SLC16A12: variants seen among roughly 807,000 people sequenced by gnomAD.
SLC16A12 encodes solute carrier family 16 member 12, also known as monocarboxylate transporter 12.
SLC16A12 carries 17 observed loss-of-function variants against 42.4 expected under a neutral mutation model. The observed-to-expected ratio is 0.40, with a 90% confidence interval of 0.27 to 0.60. SLC16A12 has a LOEUF of 0.60. Ranked by LOEUF, SLC16A12 falls within the 20% of genes least tolerant of loss-of-function variation. SLC16A12 has a pLI of 0.42. For synonymous variants in SLC16A12, 224 were observed against 229.4 expected, an observed-to-expected ratio of 0.98 and a Z score of 0.21; for missense variants, 544 against 623.0, an observed-to-expected ratio of 0.87 and a Z score of 1.35.
At chr10:89,457,077 G>A (rs976467787) in intron 3 of SLC16A12, among the ~76,000 whole-genome samples, 38 of 152,058 alleles carry the variant, frequency 2.5e-4, no homozygotes, top group Admixed American at 2.0e-4. Context: ...TATATACCCC[G>A]TAATGGGATT....
intron 2 of SLC16A12, among the ~76,000 whole-genome samples, chr10:89,482,296 G>A (rs1287641734): frequency 1.3e-5 from 2 of 151,358 alleles, no homozygotes; most frequent in Non-Finnish European, 2.9e-5. Flanking sequence ...TACAGACTAT[G>A]GTACAAAGTT....
At chr10:89,451,532 C>G (rs1842096419) in intron 3 of SLC16A12, among the ~76,000 whole-genome samples, 1 of 152,092 alleles carries the variant, frequency 6.6e-6, no homozygotes, top group South Asian at 2.1e-4. Flanking sequence ...CTGTCTCAGC[C>G]TCCCGAGTAG....
At chr10:89,541,395 G>GACC (rs1379751911) in intron 2 of SLC16A12, among the ~76,000 whole-genome samples, 1 of 152,118 alleles carries the variant, frequency 6.6e-6, no homozygotes, top group Non-Finnish European at 1.5e-5. Context: ...AGGAGTTCTA[G>GACC]ACCAGCCTAG....
intron 3 of SLC16A12, among the ~76,000 whole-genome samples, chr10:89,459,198 A>G (rs1006991689): frequency 9.9e-5 from 15 of 152,146 alleles, no homozygotes; most frequent in Admixed American, 2.6e-4. Context: ...TGTAAGAGTA[A>G]TTTGGAGACA....
intron 2 of SLC16A12, among the ~76,000 whole-genome samples, chr10:89,463,703 G>A (rs1223224712): frequency 2.0e-5 from 3 of 152,228 alleles, no homozygotes; most frequent in African/African-American, 7.2e-5. Context: ...CCACAGGCTT[G>A]GGGAAAAAAA....
intron 2 of SLC16A12, among the ~76,000 whole-genome samples, chr10:89,498,661 T>C (rs1842955837): frequency 6.6e-6 from 1 of 152,186 alleles, no homozygotes; most frequent in Admixed American, 6.5e-5. Flanking sequence ...TGTTCCAGAA[T>C]GACTGCAGGA....
chr10:89,462,228 A>T (rs1217673660), intron 3 of SLC16A12, 151 bp downstream of exon 3: 1 of 1,069,742 alleles, frequency 9.3e-7, no homozygotes, highest in Admixed American at 2.5e-5. Flanking sequence ...TTGCAAAGAA[A>T]ATGATACCTG....
At chr10:89,556,460 G>A (rs1447117473) in intron 1 of SLC16A12, 1 of 152,168 alleles carries the variant, frequency 6.6e-6, no homozygotes, top group Non-Finnish European at 1.5e-5. Flanking sequence ...TTGTTACAAT[G>A]TTAGGGTGCT....
rs749454506 is a variant in SLC16A12 at position 89,432,910 on chromosome 10, T to C, written c.*154A>G. On this transcript the variant is annotated 3_prime_UTR_variant, in exon 8 of 8. Transcript: ENST00000371790. Reference sequence around the variant, plus strand: ...GTCCAGCTTTCCTTATTATGTGCTGTTTTCCCTTATAAATATTAATATGTT... The same window carrying C: ...GTCCAGCTTTCCTTATTATGTGCTGCTTTCCCTTATAAATATTAATATGTT... The C allele has an allele frequency of 3.6e-6, 4 of 1,099,256 alleles. No individual in the cohort carries two copies. Among genetic ancestry groups the C allele is most frequent in the Non-Finnish European group, 5.0e-6 (4 of 793,306 alleles). 68.1% of individuals were successfully genotyped at this position (1,099,256 alleles called of 1,614,324 possible). A position where few individuals can be genotyped will look rare whatever the true frequency, so the allele number is the denominator to read the frequency against.
At chr10:89,542,065 A>C (rs960404407) in intron 2 of SLC16A12, among the ~76,000 whole-genome samples, 10 of 152,170 alleles carry the variant, frequency 6.6e-5, no homozygotes, top group African/African-American at 2.4e-4. Flanking sequence ...GAGATGACAA[A>C]TACGAGAGTG....
In SLC16A12 at chr10:89,481,643, TTG is replaced by T. The variant is rs66954717; in HGVS notation, c.-46-19021_-46-19020del. Among the ~76,000 whole-genome samples the T allele has an allele frequency of 9.4e-3, 1,348 of 144,036 alleles. 16 individuals carry two copies. The highest frequency in any genetic ancestry group is 0.019 in the African/African-American group (738 of 39,076). The allele number at this position is 144,036 out of a possible 152,430, so 94.5% of individuals were successfully genotyped here. A position where few individuals can be genotyped will look rare whatever the true frequency, so the allele number is the denominator to read the frequency against. ...TCTAATTGACACTGTTTTTTTTTTC[TTG>T]TGTGTGTGTGTGTGTGTGTGAGAGA... On this transcript the variant is annotated intron_variant, in intron 2 of 7. Coordinates refer to ENST00000371790, the MANE Select transcript of SLC16A12 (RefSeq NM_213606.4).
At position 89,460,436 on chromosome 10, in the gene SLC16A12, A is replaced by T. The variant is rs187883844; in HGVS notation, c.200+1943T>A. On this transcript the variant is annotated intron_variant, in intron 3 of 7. Coordinates refer to ENST00000371790, the MANE Select transcript of SLC16A12 (RefSeq NM_213606.4). ...TCTTACAGAGGTCTTCTTAAGAATC[A>T]TACTTTGGCAGGGCACAGTGGCTCA... Among the ~76,000 whole-genome samples, 10 of 151,920 alleles carry T rather than the reference A, an allele frequency of 6.6e-5. No individual in the cohort carries two copies. In the East Asian group the frequency reaches 1.7e-3, roughly 26 times the overall value.
intron 2 of SLC16A12, among the ~76,000 whole-genome samples, chr10:89,481,738 T>C (rs1026392975): frequency 1.3e-5 from 2 of 151,854 alleles, no homozygotes; most frequent in African/African-American, 4.8e-5. Flanking sequence ...GCATGGTTTT[T>C]CACTATAACT....
chr10:89,533,212 T>A (rs549564603), intron 2 of SLC16A12, among the ~76,000 whole-genome samples: 5 of 151,326 alleles, frequency 3.3e-5, no homozygotes, highest in African/African-American at 4.9e-5. Context: ...AATTGCAGGA[T>A]TGGAAGGAAG....
At chr10:89,545,371 C>G (rs953719557) in intron 2 of SLC16A12, among the ~76,000 whole-genome samples, 2 of 152,166 alleles carry the variant, frequency 1.3e-5, no homozygotes, top group African/African-American at 4.8e-5. Flanking sequence ...TCAGCAAAGT[C>G]TCAGGATACA....
intron 3 of SLC16A12, among the ~76,000 whole-genome samples, chr10:89,458,499 G>A (rs918830762): frequency 1.2e-4 from 18 of 152,144 alleles, no homozygotes; most frequent in Admixed American, 7.2e-4. Flanking sequence ...GAAAGATTTG[G>A]CATAAGCGCA....
chr10:89,488,767 A>G (rs934630930), intron 2 of SLC16A12, among the ~76,000 whole-genome samples: 11 of 152,226 alleles, frequency 7.2e-5, no homozygotes, highest in Non-Finnish European at 1.5e-4. Context: ...AGAAGGATAG[A>G]GCCTAGGATG....
intron 2 of SLC16A12, among the ~76,000 whole-genome samples, chr10:89,482,696 A>T (rs569048344): frequency 1.3e-5 from 2 of 151,972 alleles, no homozygotes; most frequent in South Asian, 4.2e-4. Context: ...AGGTGGGAGG[A>T]TCCTTGAGCC....
chr10:89,433,370 C>A, intron 7 of SLC16A12, 44 bp from the exon 8 acceptor site: 1 of 1,595,872 alleles, frequency 6.3e-7, no homozygotes. Context: ...GTTGAAAATT[C>A]AATTGCTTAC....
Sources: allele counts gnomAD v4.1 joint callset (sites outside exome capture counted in the v4.1 genomes callset), GRCh38; gene constraint gnomAD v4.1.1; transcripts MANE v1.5; gene names NCBI Gene and HGNC (gene_info 2026-07-23, HGNC 2026-07-21).